ADAMTS18: variants seen among roughly 807,000 people sequenced by gnomAD.
ADAMTS18 encodes A disintegrin and metalloproteinase with thrombospondin motifs 18.
Under a neutral mutation model 165.9 loss-of-function variants are expected in ADAMTS18, and 157 were observed. The ratio of observed to expected loss-of-function variants is 0.95; its 90% CI spans 0.83 to 1.08. The LOEUF (loss-of-function observed/expected upper bound fraction) is 1.08. Ranked by LOEUF, ADAMTS18 falls within the 50% of genes least tolerant of loss-of-function variation. The pLI, the probability that ADAMTS18 is intolerant of heterozygous loss-of-function variation, is 0.00. For synonymous variants in ADAMTS18, 782 were observed against 578.2 expected (o/e 1.35, Z -5.06); for missense variants, 2,040 against 1,534.0 (o/e 1.33, Z -5.51).
Position 77,284,073 on chromosome 16 carries a change from TAAAATAAGA to T in ADAMTS18, c.3551-11_3551-3del. 6.3e-7 allele frequency: 1 copy of T among 1,595,312 alleles called. No homozygotes were observed. On this transcript the variant is annotated splice_polypyrimidine_tract_variant and splice_region_variant and intron_variant, in intron 22 of 22. Transcript: ENST00000282849. ...AGAAATCTACGCAGGATGGATCCTC[TAAAATAAGA>T]AAATATATTTAGCATGTTGGCTAGG...
At position 77,319,748 on chromosome 16, in the gene ADAMTS18, A is replaced by T. The variant is rs564962401; in HGVS notation, c.2532+101T>A. 5.0e-5 allele frequency: 79 copies of T among 1,589,974 alleles called. 1 individual carries two copies. The South Asian group carries it at 7.2e-4, about 15-fold the overall frequency. ...ATGAGCCACCATGCCCGGCCAGGAA[A>T]CACCTTTGAACTAGAAGGACTGGAG... On this transcript the variant is annotated intron_variant, in intron 16 of 22. Coordinates refer to ENST00000282849, the MANE Select transcript of ADAMTS18 (RefSeq NM_199355.4).
intron 7 of ADAMTS18, among the ~76,000 whole-genome samples, chr16:77,360,320 T>A (rs1192033461): frequency 6.6e-6 from 1 of 152,200 alleles, no homozygotes; most frequent in African/African-American, 2.4e-5. Flanking sequence ...GTGTATGTAT[T>A]TATAGCTTAG....
intron 12 of ADAMTS18, among the ~76,000 whole-genome samples, chr16:77,329,551 A>G (rs1246942202): frequency 3.3e-5 from 5 of 151,902 alleles, no homozygotes; most frequent in Admixed American, 3.3e-4. Context: ...TCTAGGGCAG[A>G]GTCAGAATAA....
At chr16:77,383,507 C>G (rs1259047971) in intron 3 of ADAMTS18, among the ~76,000 whole-genome samples, 1 of 151,866 alleles carries the variant, frequency 6.6e-6, no homozygotes. Context: ...CCCTAGATAT[C>G]TCACTTCATG....
chr16:77,314,786 A>ATATATATATATATATATATAT (rs1491101675), intron 16 of ADAMTS18, among the ~76,000 whole-genome samples: 7 of 81,780 alleles, frequency 8.6e-5, no homozygotes, highest in Admixed American at 1.3e-4. Context: ...ATATATATAT[A>ATATATATATATATATATATAT]AAATATATGT....
At chr16:77,291,524 A>G (rs2055364766) in intron 20 of ADAMTS18, 46 bp from the exon 21 acceptor site, 1 of 1,585,812 alleles carries the variant, frequency 6.3e-7, no homozygotes. Context: ...TGCCAGGATC[A>G]CATCTTCTGG....
At chr16:77,361,055 C>T (rs1048374602) in intron 7 of ADAMTS18, among the ~76,000 whole-genome samples, 4 of 152,000 alleles carry the variant, frequency 2.6e-5, no homozygotes, top group Non-Finnish European at 4.4e-5. Context: ...CACTGCACTC[C>T]AGCCTGAGTG....
chr16:77,304,156 G>A (rs1465132285), intron 16 of ADAMTS18, among the ~76,000 whole-genome samples: 1 of 152,198 alleles, frequency 6.6e-6, no homozygotes, highest in Non-Finnish European at 1.5e-5. Flanking sequence ...ACAAATCTCG[G>A]TGATGATTAT....
chr16:77,282,845 TTAACA>T lies in ADAMTS18; in HGVS notation c.*1106_*1110del, dbSNP rs1448129871. 2 of 152,116 alleles carry T rather than the reference TTAACA, an allele frequency of 1.3e-5. No homozygotes were observed. Among genetic ancestry groups the T allele is most frequent in the African/African-American group, 4.8e-5 (2 of 41,322 alleles). The allele number at this position is 152,116 out of a possible 1,614,324, so 9.4% of individuals were successfully genotyped here. The stretch of plus-strand genomic sequence containing the variant: ...CTTGTCATATTATGATTTATTAATA[TTAACA>T]TAGCAAGAAGACAGATGGATTTTTT... On this transcript the variant is annotated 3_prime_UTR_variant, in exon 23 of 23. Transcript: ENST00000282849.
At chr16:77,291,582 G>T in intron 20 of ADAMTS18, 104 bp from the exon 21 acceptor site, 2 of 1,148,298 alleles carry the variant, frequency 1.7e-6, no homozygotes, top group Non-Finnish European at 2.6e-6. Flanking sequence ...GAAATAGGAG[G>T]GATGGGATTA....
chr16:77,293,309 C>T (rs2055404207), intron 19 of ADAMTS18, 51 bp from the exon 20 acceptor site: 2 of 1,426,120 alleles, frequency 1.4e-6, no homozygotes, highest in African/African-American at 1.4e-5. Flanking sequence ...TTTCAGTAGC[C>T]ACATTAAAAA....
chr16:77,379,580 C>T (rs551557810), intron 3 of ADAMTS18, among the ~76,000 whole-genome samples: 4 of 152,276 alleles, frequency 2.6e-5, no homozygotes, highest in Admixed American at 2.6e-4. Context: ...CCTCCACCTC[C>T]CAGGTTCAAG....
intron 5 of ADAMTS18, 138 bp downstream of exon 5, chr16:77,364,050 G>A: frequency 7.8e-7 from 1 of 1,287,850 alleles, no homozygotes; most frequent in Non-Finnish European, 1.1e-6. Flanking sequence ...AACCACATAT[G>A]TAGCTATTAA....
chr16:77,408,236 C>A (rs1236885712), intron 3 of ADAMTS18, among the ~76,000 whole-genome samples: 1 of 152,066 alleles, frequency 6.6e-6, no homozygotes, highest in African/African-American at 2.4e-5. Context: ...ACATGTGGAA[C>A]TTGTGTGGAG....
At chr16:77,409,342 G>T (rs1180093096) in intron 3 of ADAMTS18, among the ~76,000 whole-genome samples, 1 of 152,122 alleles carries the variant, frequency 6.6e-6, no homozygotes, top group Admixed American at 6.5e-5. Flanking sequence ...AAGCTACATT[G>T]CCTGAAGCCT....
chr16:77,398,008 G>A (rs1374463603), intron 3 of ADAMTS18, among the ~76,000 whole-genome samples: 1 of 152,068 alleles, frequency 6.6e-6, no homozygotes, highest in African/African-American at 2.4e-5. Context: ...TAAGAAATCA[G>A]GAAGAAGTAA....
intron 3 of ADAMTS18, among the ~76,000 whole-genome samples, chr16:77,378,240 G>C (rs946891903): frequency 6.6e-6 from 1 of 151,838 alleles, no homozygotes; most frequent in African/African-American, 2.4e-5. Flanking sequence ...TAGGAGAATT[G>C]CATTAACCTA....
intron 13 of ADAMTS18, among the ~76,000 whole-genome samples, chr16:77,324,925 T>C (rs764074445): frequency 4.1e-4 from 62 of 152,196 alleles, no homozygotes; most frequent in Admixed American, 1.4e-3. Context: ...CAAACAGTCA[T>C]GACCCAAAAC....
Position 77,367,637 on chromosome 16 carries a change from A to G in ADAMTS18, c.582T>C (p.Pro194=). 6.2e-7 allele frequency: 1 copy of G among 1,614,128 alleles called. No homozygotes were observed. Among genetic ancestry groups the G allele is most frequent in the Non-Finnish European group, 8.5e-7 (1 of 1,180,010 alleles). Reference sequence around the variant, plus strand: ...ACAGTACGTGAGGATGGTGACCCGCAGGGGAGCTGTAGTTGTGTTCCTGGG... The same window carrying G: ...ACAGTACGTGAGGATGGTGACCCGCGGGGGAGCTGTAGTTGTGTTCCTGGG... ...LLAQEHNYSS[P]AGHHPHVLYK... The change falls in exon 4 of 23, where the codon CCT becomes CCC. Residue 194 remains proline (P), a synonymous_variant. Transcript: ENST00000282849.
Sources: allele counts gnomAD v4.1 joint callset (sites outside exome capture counted in the v4.1 genomes callset), GRCh38; gene constraint gnomAD v4.1.1; transcripts MANE v1.5; gene names NCBI Gene and HGNC (gene_info 2026-07-23, HGNC 2026-07-21).